SPNS2: variants seen among roughly 807,000 people sequenced by gnomAD.
SPNS2 encodes the protein SPNS lysolipid transporter 2, sphingosine-1-phosphate.
In SPNS2, 37 loss-of-function variants were observed where a neutral mutation model predicts 57.6. The ratio of observed to expected loss-of-function variants is 0.64; its 90% confidence interval spans 0.49 to 0.85. The LOEUF (loss-of-function observed/expected upper bound fraction) is 0.85. Among genes scored for constraint, SPNS2 ranks in the 40% least tolerant of loss-of-function variants. The pLI is 0.00. For missense variants in SPNS2, 831 were observed against 779.1 expected (o/e 1.07, Z -0.79); for synonymous variants, 440 against 346.9 (o/e 1.27, Z -2.98).
chr17:4,519,610 C>CGTGAGCTGAGCGAGGGCTT (rs1905088969), intron 2 of SPNS2, among the ~76,000 whole-genome samples: 1 of 151,944 alleles, frequency 6.6e-6, no homozygotes, highest in African/African-American at 2.4e-5. Context: ...GCTCAGCACA[C>CGTGAGCTGAGCGAGGGCTT]CCTCCACAGG....
Position 4,510,577 on chromosome 17 carries a change from T to C in SPNS2, c.371-2670T>C, listed in dbSNP as rs760032659. Among the ~76,000 whole-genome samples the C allele has an allele frequency of 6.6e-6, 1 of 152,178 alleles. No individual in the cohort carries two copies. The highest frequency in any genetic ancestry group is 1.5e-5 in the Non-Finnish European group (1 of 68,036). On this transcript the variant is annotated intron_variant, in intron 1 of 12. Transcript: ENST00000329078. The surrounding 1 kb of genome is among the most constrained non-coding windows in gnomAD (Gnocchi z 4.4). ...GGACACAGGATGTCATCATGATGGC[T>C]ATTTTGATATGGCCTCCCTCCCAGA...
intron 2 of SPNS2, among the ~76,000 whole-genome samples, chr17:4,515,241 C>A (rs1485739762): frequency 6.6e-6 from 1 of 152,216 alleles, no homozygotes; most frequent in African/African-American, 2.4e-5. Flanking sequence ...ACAAAGCACA[C>A]ACAGGCATTG....
In SPNS2 at chr17:4,538,007, A is replaced by T. The variant is rs1905960292; in HGVS notation, c.*559A>T. 2.8e-6 allele frequency: 1 copy of T among 351,266 alleles called. No individual in the cohort carries two copies. The highest frequency in any genetic ancestry group is 2.1e-5 in the African/African-American group (1 of 46,654). The allele number at this position is 351,266 out of a possible 1,614,324, so 21.8% of individuals were successfully genotyped here. On this transcript the variant is annotated 3_prime_UTR_variant, in exon 13 of 13. Coordinates refer to ENST00000329078, the MANE Select transcript of SPNS2 (RefSeq NM_001124758.3). Reference sequence around the variant, plus strand: ...GGGCCTCGGACCTTGGGGATATTGGACGCAACCTGGCAAATGAAGCTGGGC... The same window carrying T: ...GGGCCTCGGACCTTGGGGATATTGGTCGCAACCTGGCAAATGAAGCTGGGC...
Position 4,516,631 on chromosome 17 carries a change from G to A in SPNS2, c.436+3319G>A, listed in dbSNP as rs549355004. On this transcript the variant is annotated intron_variant, in intron 2 of 12. Coordinates refer to ENST00000329078, the MANE Select transcript of SPNS2 (RefSeq NM_001124758.3). ...GAGAACACTTCCCTGAGGAGGAGAC[G>A]TTTGAATGGGGCTTTGAAGGATGAG... 2.0e-3 allele frequency among the ~76,000 whole-genome samples: 302 copies of A among 152,386 alleles called. 2 individuals are homozygous for A. The highest frequency in any genetic ancestry group is 6.7e-3 in the African/African-American group (280 of 41,590).
chr17:4,521,091 CTCT>C (rs1567591457), intron 2 of SPNS2, among the ~76,000 whole-genome samples: 1 of 152,196 alleles, frequency 6.6e-6, no homozygotes, highest in Non-Finnish European at 1.5e-5. Context: ...CGGGAAGCCT[CTCT>C]TCATTATCCT....
At position 4,536,896 on chromosome 17, in the gene SPNS2, C is replaced by G. The variant is rs765547147; in HGVS notation, c.1608-4C>G. The G allele has an allele frequency of 5.0e-6, 8 of 1,613,484 alleles. No individual in the cohort carries two copies. In the East Asian group the frequency reaches 1.6e-4, roughly 31 times the overall value. The stretch of plus-strand genomic sequence containing the variant: ...ACCCTGACCCCCGCCCGTCTCTCCC[C>G]CAGGGTGAACCAGCTGGCGATGCCG... On this transcript the variant is annotated splice_polypyrimidine_tract_variant and splice_region_variant and intron_variant, in intron 11 of 12. Transcript: ENST00000329078.
rs1228922887 is a variant in SPNS2, at chr17:4,538,277, AGGCTGAGCTGAGCCTTTTCCAGG to A, written c.*833_*855del. Reference sequence around the variant, plus strand: ...AAGCCAGGACCCCACTCCTTCCCCGAGGCTGAGCTGAGCCTTTTCCAGGGGCAGGGCCCAGGAGACCATTCCCA... The same window carrying A: ...AAGCCAGGACCCCACTCCTTCCCCGAGGCAGGGCCCAGGAGACCATTCCCA... On this transcript the variant is annotated 3_prime_UTR_variant, in exon 13 of 13. Transcript: ENST00000329078. The A allele has an allele frequency of 5.3e-6, 1 of 188,786 alleles. No homozygotes were observed. The highest frequency in any genetic ancestry group is 2.4e-5 in the African/African-American group (1 of 42,352). 11.7% of individuals were successfully genotyped at this position (188,786 alleles called of 1,614,324 possible).
intron 1 of SPNS2, among the ~76,000 whole-genome samples, chr17:4,507,946 T>TGGCTGGAGGA (rs1310992074): frequency 1.3e-5 from 2 of 152,156 alleles, no homozygotes; most frequent in African/African-American, 4.8e-5. Context: ...AGATTGGGCC[T>TGGCTGGAGGA]GGCTGGAGGA....
Position 4,499,696 on chromosome 17 carries a change from C to G in SPNS2, c.370+279C>G, listed in dbSNP as rs1904407018. On this transcript the variant is annotated intron_variant, in intron 1 of 12. Transcript: ENST00000329078. The surrounding 1 kb of genome is among the most constrained non-coding windows in gnomAD (Gnocchi z 5.2). ...CGCGTCCTCTCCAGCCCTTGACGGC[C>G]CATCCGTTGTCCTCCTCTCCAAGAG... The G allele has an allele frequency of 1.9e-5, 6 of 313,268 alleles. No homozygotes were observed. In the South Asian group the frequency reaches 7.5e-4, roughly 39 times the overall value. 19.4% of individuals were successfully genotyped at this position (313,268 alleles called of 1,614,324 possible).
At chr17:4,534,373 GGGA>G (rs1385886188) in intron 9 of SPNS2, 40 of 188,612 alleles carry the variant, frequency 2.1e-4, no homozygotes, top group Middle Eastern at 5.0e-3. Flanking sequence ...GGAGCACCCT[GGGA>G]GGAGCCAGGA....
intron 11 of SPNS2, 61 bp from the exon 12 acceptor site, chr17:4,536,839 C>A (rs1257041983): frequency 7.2e-7 from 1 of 1,392,566 alleles, no homozygotes; most frequent in Non-Finnish European, 1.0e-6. Flanking sequence ...TGTGCCAGAG[C>A]AGTGCCCGGG....
chr17:4,516,907 G>GT (rs1385879742), intron 2 of SPNS2, among the ~76,000 whole-genome samples: 2 of 152,190 alleles, frequency 1.3e-5, no homozygotes, highest in Admixed American at 6.5e-5. Context: ...GCTTGTTACG[G>GT]TATTTTCAAT....
At chr17:4,534,611 C>A (rs1442110263) in intron 9 of SPNS2, among the ~76,000 whole-genome samples, 2 of 152,116 alleles carry the variant, frequency 1.3e-5, no homozygotes, top group Admixed American at 1.3e-4. Context: ...GTGTGCCAGG[C>A]ACTGCGGCCC....
At chr17:4,516,325 AAAAAAAAAAAAAAAAAAAC>A (rs1187586138) in intron 2 of SPNS2, among the ~76,000 whole-genome samples, 1 of 113,228 alleles carries the variant, frequency 8.8e-6, no homozygotes, top group African/African-American at 3.5e-5. Flanking sequence ...CCAAAAAAAA[AAAAAAAAAAAAAAAAAAAC>A]AAAAAAACCG....
chr17:4,537,895 G>A lies in SPNS2; in HGVS notation c.*447G>A, dbSNP rs75620274. The A allele has an allele frequency of 4.7e-3, 1,993 of 424,884 alleles. 33 individuals carry two copies. The highest frequency in any genetic ancestry group is 0.035 in the African/African-American group (1,740 of 49,240). 26.3% of individuals were successfully genotyped at this position (424,884 alleles called of 1,614,324 possible). On this transcript the variant is annotated 3_prime_UTR_variant, in exon 13 of 13. Coordinates refer to ENST00000329078, the MANE Select transcript of SPNS2 (RefSeq NM_001124758.3). The stretch of plus-strand genomic sequence containing the variant: ...AGACTCAACAGACCCTGGACCATAC[G>A]GAGAGCAGGTGGCCCAGGCCTCAGG...
Position 4,501,280 on chromosome 17 carries a change from C to T in SPNS2, c.370+1863C>T, listed in dbSNP as rs75208195. 9.3e-3 allele frequency among the ~76,000 whole-genome samples: 1,422 copies of T among 152,246 alleles called. 13 individuals carry two copies. Among genetic ancestry groups the T allele is most frequent in the Non-Finnish European group, 0.017 (1,139 of 68,006 alleles). On this transcript the variant is annotated intron_variant, in intron 1 of 12. Transcript: ENST00000329078. ...TTTTTTTCTGGCCCCAGACCACCCC[C>T]TTTGACGTTCTTAGGGGAACTGCCT...
rs1241106654 is a variant in SPNS2 at position 4,536,261 on chromosome 17, A to G, written c.1444-2A>G. Reference sequence around the variant, plus strand: ...CTGACATCCACCCCCAAATCCTCGCAGATCTCAGACCTGATCCGCCAGAGC... The same window carrying G: ...CTGACATCCACCCCCAAATCCTCGCGGATCTCAGACCTGATCCGCCAGAGC... On this transcript the variant is annotated splice_acceptor_variant, in intron 10 of 12. Transcript: ENST00000329078. LOFTEE classifies it high-confidence loss of function. 6.2e-7 allele frequency: 1 copy of G among 1,611,614 alleles called. No homozygotes were observed. Among genetic ancestry groups the G allele is most frequent in the South Asian group, 1.1e-5 (1 of 91,064 alleles).
chr17:4,517,441 C>T (rs1452838695), intron 2 of SPNS2, among the ~76,000 whole-genome samples: 3 of 152,068 alleles, frequency 2.0e-5, no homozygotes, highest in East Asian at 1.9e-4. Flanking sequence ...GTGGATCACC[C>T]GAGGTCAGCA....
chr17:4,505,814 G>A (rs1174839186), intron 1 of SPNS2, among the ~76,000 whole-genome samples: 1 of 152,160 alleles, frequency 6.6e-6, no homozygotes, highest in African/African-American at 2.4e-5. Context: ...ACAGGGTCCT[G>A]TCCTCCTGCC....
Sources: gnomAD v4.1 joint callset for allele counts (sites outside exome capture counted in the v4.1 genomes callset) on GRCh38, gnomAD v4.1.1 for gene constraint, Gnocchi (gnomAD v3.1) non-coding constraint, MANE v1.5 for transcripts, NCBI Gene and HGNC (gene_info 2026-07-23, HGNC 2026-07-21) for gene names.